Variants in PKHD1 observed in about 807,000 individuals in gnomAD.
PKHD1 encodes the protein fibrocystin.
A neutral mutation model predicts 412.0 loss-of-function variants in PKHD1; 291 were observed. The observed-to-expected ratio is 0.71, with a 90% CI of 0.64 to 0.78. The LOEUF (loss-of-function observed/expected upper bound fraction) is 0.78. Among genes scored for constraint, PKHD1 ranks in the 30% least tolerant of loss-of-function variants. The pLI is 0.00. For synonymous variants in PKHD1, 1,777 were observed against 1,821.5 expected, an observed-to-expected ratio of 0.98 and a Z score of 0.62; for missense variants, 4,825 against 4,950.7, an observed-to-expected ratio of 0.97 and a Z score of 0.76.
At chr6:51,672,159 G>T (rs1775103854) in intron 60 of PKHD1, among the ~76,000 whole-genome samples, 1 of 152,084 alleles carries the variant, frequency 6.6e-6, no homozygotes, top group Non-Finnish European at 1.5e-5. Context: ...GTGACCTAGG[G>T]TCTGGCTTCT....
chr6:51,791,235 C>A lies in PKHD1; in HGVS notation c.8440+1G>T. The A allele has an allele frequency of 6.2e-7, 1 of 1,613,886 alleles. No homozygotes were observed. The highest frequency in any genetic ancestry group is 8.5e-7 in the Non-Finnish European group (1 of 1,179,844). On this transcript the variant is annotated splice_donor_variant, in intron 53 of 66. Coordinates refer to ENST00000371117, the MANE Select transcript of PKHD1 (RefSeq NM_138694.4). LOFTEE classifies it high-confidence loss of function. ...CTCGCAATCCTTGTGCCTTTACTCA[C>A]CAACTTTCAGCTCCCCGCCTGCAAT...
rs1201800629 is a variant in PKHD1, at chr6:51,671,235, C to A, written c.10157-11266G>T. On this transcript the variant is annotated intron_variant, in intron 60 of 66. Transcript: ENST00000371117. ...CACATAGTCCCATATTTCTTGGAGG[C>A]TTTGCTCGTTTCTTTTTATTCTTTT... Among the ~76,000 whole-genome samples the A allele has an allele frequency of 9.2e-5, 14 of 152,004 alleles. No homozygotes were observed. In the South Asian group the frequency reaches 2.9e-3, roughly 32 times the overall value.
At chr6:52,083,377 G>C (rs1562307840) in intron 2 of PKHD1, 122 bp from the exon 3 acceptor site, 1 of 737,168 alleles carries the variant, frequency 1.4e-6, no homozygotes, top group African/African-American at 1.7e-5. Flanking sequence ...TTAAGCACAG[G>C]TGGTTGCACC....
intron 37 of PKHD1, among the ~76,000 whole-genome samples, chr6:51,916,267 A>C (rs1308773474): frequency 5.9e-5 from 9 of 152,202 alleles, no homozygotes; most frequent in South Asian, 2.1e-4. Context: ...ATATATACCC[A>C]AGTGAGTATA....
At chr6:51,654,539 T>C (rs1395112339) in intron 61 of PKHD1, among the ~76,000 whole-genome samples, 1 of 152,124 alleles carries the variant, frequency 6.6e-6, no homozygotes, top group Non-Finnish European at 1.5e-5. Context: ...AATTAATTGA[T>C]TTTAAGTTAG....
chr6:51,954,010 C>G (rs1408511395), intron 36 of PKHD1, among the ~76,000 whole-genome samples: 1 of 151,978 alleles, frequency 6.6e-6, no homozygotes, highest in African/African-American at 2.4e-5. Flanking sequence ...TCTTTATTAC[C>G]CAGCTAATTC....
chr6:51,667,262 T>C (rs1581944582), intron 60 of PKHD1, among the ~76,000 whole-genome samples: 1 of 149,906 alleles, frequency 6.7e-6, no homozygotes, highest in South Asian at 2.2e-4. Flanking sequence ...TGGTATCTCA[T>C]TGTGGTTTTG....
At chr6:51,727,761 C>T (rs1458041896) in intron 60 of PKHD1, among the ~76,000 whole-genome samples, 1 of 152,186 alleles carries the variant, frequency 6.6e-6, no homozygotes, top group Non-Finnish European at 1.5e-5. Flanking sequence ...GTTGCTTCTT[C>T]CTGGCGTCTC....
At chr6:51,836,548 G>T in intron 50 of PKHD1, 79 bp from the exon 51 acceptor site, 1 of 1,023,616 alleles carries the variant, frequency 9.8e-7, no homozygotes. Context: ...GAGAAAAGAA[G>T]AATTTATGCT....
intron 36 of PKHD1, among the ~76,000 whole-genome samples, chr6:51,943,294 C>T (rs1004287322): frequency 6.6e-6 from 1 of 151,502 alleles, no homozygotes; most frequent in East Asian, 1.9e-4. Context: ...CGGAATGCTA[C>T]AAGGTACAGC....
At chr6:51,641,830 G>A (rs868451797) in intron 63 of PKHD1, among the ~76,000 whole-genome samples, 1 of 152,304 alleles carries the variant, frequency 6.6e-6, no homozygotes, top group African/African-American at 2.4e-5. Flanking sequence ...CATAGGAGAA[G>A]TGGGAGTTGA....
intron 37 of PKHD1, among the ~76,000 whole-genome samples, chr6:51,917,130 T>G (rs1282776547): frequency 2.5e-5 from 3 of 122,428 alleles, no homozygotes; most frequent in Non-Finnish European, 4.7e-5. Context: ...TAAGAATAAC[T>G]GCCAAGGCCT....
At chr6:51,719,139 T>C (rs1018445263) in intron 60 of PKHD1, among the ~76,000 whole-genome samples, 8 of 152,070 alleles carry the variant, frequency 5.3e-5, no homozygotes, top group Non-Finnish European at 8.8e-5. Flanking sequence ...ATATCAACTA[T>C]TAAAGCTTCT....
At chr6:52,064,540 C>T (rs763397822) in intron 13 of PKHD1, among the ~76,000 whole-genome samples, 4 of 152,130 alleles carry the variant, frequency 2.6e-5, no homozygotes, top group Non-Finnish European at 4.4e-5. Flanking sequence ...CCCTACTCTC[C>T]GACCTTGTCT....
chr6:51,838,095 G>T (rs972650736), intron 50 of PKHD1, among the ~76,000 whole-genome samples: 12 of 152,214 alleles, frequency 7.9e-5, no homozygotes, highest in African/African-American at 2.9e-4. Context: ...TTCTGTTCAC[G>T]TTGATTTGTG....
chr6:51,843,632 A>G (rs1045066729), intron 50 of PKHD1, among the ~76,000 whole-genome samples: 1 of 152,236 alleles, frequency 6.6e-6, no homozygotes, highest in Non-Finnish European at 1.5e-5. Flanking sequence ...CACTTGTTCT[A>G]CAGTCATACC....
At chr6:51,765,918 T>A (rs1050203428) in intron 55 of PKHD1, among the ~76,000 whole-genome samples, 10 of 152,128 alleles carry the variant, frequency 6.6e-5, no homozygotes, top group African/African-American at 2.4e-4. Flanking sequence ...TTTGCTTAAT[T>A]AATGTCCATG....
intron 43 of PKHD1, among the ~76,000 whole-genome samples, chr6:51,892,007 G>A (rs1326487187): frequency 6.6e-6 from 1 of 152,102 alleles, no homozygotes; most frequent in Non-Finnish European, 1.5e-5. Context: ...TTTAGCTTTA[G>A]CTTCAATTCA....
chr6:51,846,548 G>A (rs1443042394), intron 50 of PKHD1, among the ~76,000 whole-genome samples: 4 of 152,120 alleles, frequency 2.6e-5, no homozygotes, highest in Non-Finnish European at 5.9e-5. Flanking sequence ...CAGGTACCAT[G>A]GTGCTCAGAG....
Sources: allele counts gnomAD v4.1 joint callset (sites outside exome capture counted in the v4.1 genomes callset), GRCh38; gene constraint gnomAD v4.1.1; transcripts MANE v1.5; gene names NCBI Gene and HGNC (gene_info 2026-07-23, HGNC 2026-07-21).